The following FREM3 variants were observed in gnomAD, a reference collection of about 807,000 sequenced individuals.
FREM3 encodes FRAS1-related extracellular matrix protein 3.
In FREM3, 105 loss-of-function variants were observed where a neutral mutation model predicts 129.1. The observed-to-expected ratio is 0.81, with a 90% confidence interval of 0.69 to 0.96. The LOEUF is 0.96. Ranked by LOEUF, FREM3 falls within the 40% of genes least tolerant of loss-of-function variation. The probability of loss-of-function intolerance (pLI) is 0.00; values close to 1 mark genes in which losing one functional copy is unlikely to be tolerated. For synonymous variants in FREM3, 1,014 were observed against 1,044.9 expected, an observed-to-expected ratio of 0.97 and a Z score of 0.57; for missense variants, 2,593 against 2,666.3, an observed-to-expected ratio of 0.97 and a Z score of 0.61.
intron 7 of FREM3, among the ~76,000 whole-genome samples, chr4:143,578,056 G>C (rs1412890876): frequency 1.3e-5 from 2 of 152,144 alleles, no homozygotes; most frequent in Non-Finnish European, 2.9e-5. Flanking sequence ...CCATGCCCAC[G>C]TGCCATCCTC....
chr4:143,590,395 A>G (rs1053483443), intron 6 of FREM3, among the ~76,000 whole-genome samples: 1 of 152,122 alleles, frequency 6.6e-6, no homozygotes, highest in African/African-American at 2.4e-5. Flanking sequence ...AGCTCTTATT[A>G]TTTTGTGATA....
chr4:143,635,264 G>C (rs1739214487), intron 2 of FREM3, among the ~76,000 whole-genome samples: 2 of 152,110 alleles, frequency 1.3e-5, no homozygotes, highest in Admixed American at 6.6e-5. Flanking sequence ...TGGAAGTCTG[G>C]TATAAAATGA....
chr4:143,650,563 T>C (rs1361393679), intron 2 of FREM3, among the ~76,000 whole-genome samples: 1 of 152,230 alleles, frequency 6.6e-6, no homozygotes. Context: ...CACTCATAGC[T>C]CACTGCAGCC....
intron 2 of FREM3, among the ~76,000 whole-genome samples, chr4:143,664,872 G>A (rs1359188672): frequency 6.6e-6 from 1 of 152,138 alleles, no homozygotes; most frequent in Non-Finnish European, 1.5e-5. Context: ...GAGACTCCGT[G>A]GGCGTAGGAC....
At chr4:143,636,647 CTA>C (rs1347913083) in intron 2 of FREM3, among the ~76,000 whole-genome samples, 4 of 151,938 alleles carry the variant, frequency 2.6e-5, no homozygotes, top group Non-Finnish European at 5.9e-5. Flanking sequence ...TACCTAAATA[CTA>C]TATTTAGGAA....
chr4:143,636,573 A>G (rs1201573133), intron 2 of FREM3, among the ~76,000 whole-genome samples: 2 of 152,090 alleles, frequency 1.3e-5, no homozygotes, highest in South Asian at 2.1e-4. Context: ...GCATAATGGC[A>G]TTTATGTTTT....
rs933497956 is a variant in FREM3, at chr4:143,696,230, G to C, written c.4446C>G (p.Pro1482=). ...ATTGAAGTTGAGTGAAAGAGGCAAT[G>C]GGTTCCCCAGCATAGTCAGAACTTT... is the stretch of plus-strand genomic sequence containing the variant. ...HLESSDYAGE[P]IASFTQLQLA... The change falls in exon 1 of 8, where the codon CCC becomes CCG. Residue 1482 remains proline, a synonymous_variant. Coordinates refer to ENST00000329798, the MANE Select transcript of FREM3 (RefSeq NM_001168235.2). 2.6e-6 allele frequency: 4 copies of C among 1,537,750 alleles called. No homozygotes were observed. Among genetic ancestry groups the C allele is most frequent in the Admixed American group, 3.9e-5 (2 of 50,988 alleles).
intron 2 of FREM3, among the ~76,000 whole-genome samples, chr4:143,677,726 G>A (rs1461911494): frequency 2.0e-5 from 3 of 152,182 alleles, no homozygotes; most frequent in African/African-American, 7.2e-5. Context: ...AAAAGTGGGT[G>A]AAGGACATGA....
At chr4:143,666,756 G>A (rs1447375880) in intron 2 of FREM3, among the ~76,000 whole-genome samples, 1 of 151,988 alleles carries the variant, frequency 6.6e-6, no homozygotes, top group African/African-American at 2.4e-5. Flanking sequence ...AATAAATAAA[G>A]GGTTTCTGTT....
At chr4:143,617,326 T>C (rs201338113) in intron 5 of FREM3, among the ~76,000 whole-genome samples, 2 of 152,102 alleles carry the variant, frequency 1.3e-5, no homozygotes, top group East Asian at 3.9e-4. Flanking sequence ...TACTTGCATC[T>C]AGTATATAGA....
chr4:143,697,472 C>G lies in FREM3; in HGVS notation c.3204G>C (p.Val1068=), dbSNP rs1003341833. 1 of 1,537,232 alleles carries G rather than the reference C, an allele frequency of 6.5e-7. No homozygotes were observed. The highest frequency in any genetic ancestry group is 8.7e-7 in the Non-Finnish European group (1 of 1,146,892). Residue 1068 remains valine (V), a synonymous_variant, in exon 1 of 8, where the codon GTG becomes GTC. Coordinates refer to ENST00000329798, the MANE Select transcript of FREM3 (RefSeq NM_001168235.2). The stretch of plus-strand genomic sequence containing the variant: ...ACTCCCCGACGAAGACCTTGGGTCC[C>G]ACATTGTCCACAGGCAGCACAGTTA... ...VQVTVLPVDN[V]GPKVFVGESF...
intron 2 of FREM3, among the ~76,000 whole-genome samples, chr4:143,655,114 G>T (rs1269286321): frequency 6.6e-6 from 1 of 152,046 alleles, no homozygotes; most frequent in African/African-American, 2.4e-5. Flanking sequence ...TGTAATTTGT[G>T]TAGAAATCTG....
At chr4:143,599,280 T>C (rs1738532725) in intron 6 of FREM3, among the ~76,000 whole-genome samples, 1 of 152,190 alleles carries the variant, frequency 6.6e-6, no homozygotes, top group African/African-American at 2.4e-5. Context: ...GAAAAATAAC[T>C]AGCTGTCAGA....
intron 6 of FREM3, among the ~76,000 whole-genome samples, chr4:143,594,019 C>T (rs1329496067): frequency 1.3e-5 from 2 of 152,226 alleles, no homozygotes; most frequent in East Asian, 3.9e-4. Context: ...GCGTAGGACC[C>T]TCTGAGCCAT....
intron 6 of FREM3, among the ~76,000 whole-genome samples, chr4:143,587,943 A>T (rs1738270336): frequency 6.6e-6 from 1 of 152,200 alleles, no homozygotes; most frequent in South Asian, 2.1e-4. Flanking sequence ...TCTTGTATGC[A>T]TGGCTCACAT....
intron 2 of FREM3, chr4:143,645,043 A>C (rs151070100): frequency 6.6e-6 from 1 of 152,310 alleles, no homozygotes; most frequent in Non-Finnish European, 1.5e-5. Context: ...AAAGATAACT[A>C]TTTCTTAAGT....
rs1346917005 is a variant in FREM3, at chr4:143,590,973, GTA to G, written c.6029-4982_6029-4981del. On this transcript the variant is annotated intron_variant, in intron 6 of 7. Coordinates refer to ENST00000329798, the MANE Select transcript of FREM3 (RefSeq NM_001168235.2). ...CTTCCTGGTTTAGTCTTGGGAGAGT[GTA>G]TATGTCGAGGAATTTATCCATTTCT... Among the ~76,000 whole-genome samples, 8 of 152,310 alleles carry G rather than the reference GTA, an allele frequency of 5.3e-5. No individual in the cohort carries two copies. In the East Asian group the frequency reaches 1.5e-3, roughly 29 times the overall value.
chr4:143,615,704 T>C (rs1034840339), intron 5 of FREM3, among the ~76,000 whole-genome samples: 42 of 119,616 alleles, frequency 3.5e-4, no homozygotes, highest in Non-Finnish European at 6.8e-4. Flanking sequence ...TATCGTCAAG[T>C]GTCAAAAAAA....
chr4:143,661,500 A>T (rs982027024), intron 2 of FREM3, among the ~76,000 whole-genome samples: 1 of 151,748 alleles, frequency 6.6e-6, no homozygotes, highest in Non-Finnish European at 1.5e-5. Flanking sequence ...CCAGTATTTT[A>T]TTGAGGATTT....
Sources: allele counts gnomAD v4.1 joint callset (sites outside exome capture counted in the v4.1 genomes callset), GRCh38; gene constraint gnomAD v4.1.1; transcripts MANE v1.5; gene names NCBI Gene and HGNC (gene_info 2026-07-23, HGNC 2026-07-21).